Variants in AMMECR1 observed in about 807,000 individuals in gnomAD.
The protein encoded by AMMECR1 is AMMECR nuclear protein 1.
A neutral mutation model predicts 22.5 loss-of-function variants in AMMECR1; 3 were observed. The observed-to-expected ratio is 0.13, with a 90% CI of 0.06 to 0.35. The LOEUF (loss-of-function observed/expected upper bound fraction) is 0.35. AMMECR1 is among the 10% of genes least tolerant of loss of function. AMMECR1 has a pLI of 1.00. For missense variants in AMMECR1, 235 were observed against 278.7 expected, an observed-to-expected ratio of 0.84 and a Z score of 1.12; for synonymous variants, 130 against 116.7, an observed-to-expected ratio of 1.11 and a Z score of -0.74.
At chrX:110,329,490 C>T (rs1231788999) in intron 2 of AMMECR1, among the ~76,000 whole-genome samples, 1 of 112,079 alleles carries the variant, frequency 8.9e-6, no homozygotes, top group Admixed American at 9.4e-5. Context: ...ACCTTTTAAT[C>T]AAAGCACAGC....
intron 2 of AMMECR1, among the ~76,000 whole-genome samples, chrX:110,381,426 G>C (rs1328753208): frequency 1.8e-5 from 2 of 111,934 alleles, no homozygotes; most frequent in Non-Finnish European, 3.8e-5. Context: ...AAAAACAGCA[G>C]ATGTTGAAGA....
At chrX:110,351,133 G>A (rs2068209699) in intron 2 of AMMECR1, among the ~76,000 whole-genome samples, 1 of 112,061 alleles carries the variant, frequency 8.9e-6, no homozygotes, top group Admixed American at 9.4e-5. Context: ...TTCCATGTTC[G>A]TGGTGTGCAG....
intron 2 of AMMECR1, among the ~76,000 whole-genome samples, chrX:110,376,437 C>G (rs1209380503): frequency 9.0e-6 from 1 of 111,400 alleles, no homozygotes; most frequent in African/African-American, 3.3e-5. Flanking sequence ...ATCTGAGACA[C>G]CATGGCTCTA....
At chrX:110,255,053 G>A (rs79783559) in intron 2 of AMMECR1, among the ~76,000 whole-genome samples, 1 of 112,291 alleles carries the variant, frequency 8.9e-6, no homozygotes, top group East Asian at 2.8e-4. Context: ...TCCAGAACCA[G>A]TGTTTTATTG....
intron 2 of AMMECR1, among the ~76,000 whole-genome samples, chrX:110,348,190 C>T (rs952079480): frequency 1.8e-5 from 2 of 111,791 alleles, no homozygotes; most frequent in African/African-American, 6.5e-5. Context: ...TCTTTTTCCA[C>T]CAGATCAACA....
At chrX:110,437,803 G>C (rs144540495) in intron 1 of AMMECR1, among the ~76,000 whole-genome samples, 1 of 110,902 alleles carries the variant, frequency 9.0e-6, no homozygotes, top group African/African-American at 3.3e-5. Context: ...GATTGAGGGG[G>C]CAGCAGATTG....
chrX:110,312,796 ATT>A (rs2068029671), intron 1 of AMMECR1, among the ~76,000 whole-genome samples: 1 of 111,579 alleles, frequency 9.0e-6, no homozygotes, highest in Non-Finnish European at 1.9e-5. Flanking sequence ...AAACAACCAT[ATT>A]ATACCTTCAA....
chrX:110,317,617 C>T lies in AMMECR1; in HGVS notation c.455G>A (p.Arg152Gln), dbSNP rs1330627292. The T allele has an allele frequency of 8.4e-7, 1 of 1,192,029 alleles. No individual in the cohort carries two copies. The highest frequency in any genetic ancestry group is 1.1e-6 in the Non-Finnish European group (1 of 884,728). Residue 152 changes from arginine to glutamine, a missense_variant, in exon 1 of 6, where the codon CGA becomes CAA. Transcript: ENST00000262844. ...LYGYQQPRTP[R>Q]FTNEPYPLFV... ...TACTCACTAGGGCTCGTTGGTGAAT[C>T]GGGGGGTCCGGGGCTGCTGGTATCC...
At chrX:110,379,027 C>A (rs1424253411) in intron 2 of AMMECR1, among the ~76,000 whole-genome samples, 1 of 111,983 alleles carries the variant, frequency 8.9e-6, no homozygotes, top group Non-Finnish European at 1.9e-5. Context: ...TCACTCTGGC[C>A]CTCTGGTCCC....
intron 2 of AMMECR1, among the ~76,000 whole-genome samples, chrX:110,233,004 G>C (rs1055198630): frequency 9.5e-6 from 1 of 105,595 alleles, no homozygotes; most frequent in Non-Finnish European, 1.9e-5. Context: ...AAGAGAGAGA[G>C]ACACACAAAA....
chrX:110,271,308 A>G (rs2067797177), intron 1 of AMMECR1, among the ~76,000 whole-genome samples: 1 of 112,700 alleles, frequency 8.9e-6, no homozygotes, highest in South Asian at 3.6e-4. Context: ...CTGGTGTTCC[A>G]AGAAATTCTA....
chrX:110,363,710 C>G (rs2068279067), intron 2 of AMMECR1, among the ~76,000 whole-genome samples: 1 of 111,493 alleles, frequency 9.0e-6, no homozygotes, highest in African/African-American at 3.3e-5. Context: ...ATGGATGCAT[C>G]AGACTGAATA....
intron 2 of AMMECR1, among the ~76,000 whole-genome samples, chrX:110,333,964 TTAAAATAAAA>T (rs780837739): frequency 1.8e-5 from 2 of 111,476 alleles, no homozygotes; most frequent in East Asian, 5.6e-4. Flanking sequence ...ACCCCAGAAC[TTAAAATAAAA>T]TAAAATAAAA....
intron 2 of AMMECR1, among the ~76,000 whole-genome samples, chrX:110,344,025 C>A (rs866656920): frequency 5.5e-5 from 6 of 110,044 alleles, no homozygotes; most frequent in Non-Finnish European, 9.5e-5. Flanking sequence ...AAAAAGAGCC[C>A]GCATTGCCAA....
At chrX:110,252,691 TA>T (rs987441588) in intron 2 of AMMECR1, among the ~76,000 whole-genome samples, 1 of 112,463 alleles carries the variant, frequency 8.9e-6, no homozygotes, top group Non-Finnish European at 1.9e-5. Context: ...TAAATGCTGA[TA>T]AAAACAAGAC....
intron 2 of AMMECR1, among the ~76,000 whole-genome samples, chrX:110,346,334 A>T (rs1445835475): frequency 3.6e-5 from 4 of 112,409 alleles, no homozygotes; most frequent in Non-Finnish European, 5.6e-5. Flanking sequence ...TCAAAAAGGA[A>T]CTACAAATGG....
At chrX:110,421,121 C>T (rs2068714204) in intron 2 of AMMECR1, among the ~76,000 whole-genome samples, 1 of 112,264 alleles carries the variant, frequency 8.9e-6, no homozygotes, top group African/African-American at 3.2e-5. Context: ...CTCATCCAGC[C>T]CCTCTGACTT....
intron 2 of AMMECR1, among the ~76,000 whole-genome samples, chrX:110,344,732 A>T (rs2068181113): frequency 1.8e-5 from 2 of 111,921 alleles, no homozygotes; most frequent in African/African-American, 3.3e-5. Flanking sequence ...CAGCCAACAG[A>T]CACATGAAAA....
intron 1 of AMMECR1, among the ~76,000 whole-genome samples, chrX:110,274,651 A>T (rs1334022672): frequency 1.8e-5 from 2 of 112,037 alleles, no homozygotes; most frequent in Non-Finnish European, 3.8e-5. Context: ...TATACACAGT[A>T]TATGGTTAGG....
Sources: gnomAD v4.1 joint callset for allele counts (sites outside exome capture counted in the v4.1 genomes callset) on GRCh38, gnomAD v4.1.1 for gene constraint, MANE v1.5 for transcripts, NCBI Gene and HGNC (gene_info 2026-07-23, HGNC 2026-07-21) for gene names.